Variants in RBFOX1 observed in about 807,000 individuals in gnomAD.
RBFOX1 encodes the protein RNA binding protein fox-1 homolog 1.
Under a neutral mutation model 57.7 loss-of-function variants are expected in RBFOX1, and 8 were observed. That is an observed-to-expected ratio of 0.14 (90% CI 0.08 to 0.25). RBFOX1 has a LOEUF of 0.25. Ranked by LOEUF, RBFOX1 falls within the 10% of genes least tolerant of loss-of-function variation. RBFOX1 has a pLI of 1.00. For missense variants in RBFOX1, 611 were observed against 548.5 expected, an observed-to-expected ratio of 1.11 and a Z score of -1.14; for synonymous variants, 326 against 222.4, an observed-to-expected ratio of 1.47 and a Z score of -4.15.
chr16:6,073,779 T>C (rs1163158837), intron 1 of RBFOX1, among the ~76,000 whole-genome samples: 1 of 149,652 alleles, frequency 6.7e-6, no homozygotes, highest in Non-Finnish European at 1.5e-5. Context: ...AGCAGAACCA[T>C]AAAAGGTATA....
chr16:7,492,178 C>A (rs1357161916), intron 4 of RBFOX1, among the ~76,000 whole-genome samples: 3 of 152,210 alleles, frequency 2.0e-5, no homozygotes, highest in Non-Finnish European at 4.4e-5. Context: ...GAATTCCCAA[C>A]ATAACCTAAG....
Position 6,722,578 on chromosome 16 carries a change from C to T in RBFOX1, c.-16+67928C>T, listed in dbSNP as rs375465301. 1.1e-4 allele frequency among the ~76,000 whole-genome samples: 17 copies of T among 152,262 alleles called. No homozygotes were observed. In the South Asian group the frequency reaches 3.5e-3, roughly 32 times the overall value. ...ATGTTTGTGTGATATTAATGAGAAC[C>T]TACAGACTTCTTTAGAATAATCAAG... On this transcript the variant is annotated intron_variant, in intron 3 of 15. Transcript: ENST00000550418.
chr16:6,085,470 C>T (rs963647370), intron 1 of RBFOX1, among the ~76,000 whole-genome samples: 4 of 152,164 alleles, frequency 2.6e-5, no homozygotes, highest in African/African-American at 9.7e-5. Flanking sequence ...GGGGTTTCAC[C>T]ATGTTGATCT....
chr16:5,876,167 TGG>T (rs1385765217), intron 4 of RBFOX1, among the ~76,000 whole-genome samples: 88 of 152,154 alleles, frequency 5.8e-4, no homozygotes, highest in Non-Finnish European at 1.2e-4. Flanking sequence ...TACCTTGCAT[TGG>T]GGGTTAATGA....
chr16:6,110,192 C>CTT lies in RBFOX1; in HGVS notation c.-127+90201_-127+90202dup, dbSNP rs1226858713. On this transcript the variant is annotated intron_variant, in intron 1 of 15. Coordinates refer to ENST00000550418, the MANE Select transcript of RBFOX1 (RefSeq NM_018723.4). ...AATTTTTGGTTTTCTGTATTTTCTT[C>CTT]TTCTTTTTTTTTTTTTTTTAGTTCA... is the stretch of plus-strand genomic sequence containing the variant. Among the ~76,000 whole-genome samples the CTT allele has an allele frequency of 1.2e-3, 92 of 74,640 alleles. 1 individual carries two copies. Among genetic ancestry groups the CTT allele is most frequent in the African/African-American group, 4.7e-3 (87 of 18,632 alleles). The allele number at this position is 74,640 out of a possible 152,430, so 49.0% of individuals were successfully genotyped here.
intron 3 of RBFOX1, among the ~76,000 whole-genome samples, chr16:6,739,668 C>T (rs28609651): frequency 4.0e-5 from 6 of 151,864 alleles, no homozygotes; most frequent in Admixed American, 3.3e-4. Flanking sequence ...CATGAGGTCA[C>T]GAGTTCGAGA....
chr16:6,174,437 A>T (rs1479319085), intron 1 of RBFOX1, among the ~76,000 whole-genome samples: 1 of 152,152 alleles, frequency 6.6e-6, no homozygotes, highest in African/African-American at 2.4e-5. Flanking sequence ...TTTACTAAAA[A>T]TACAAAAGTT....
At chr16:5,703,310 G>A (rs2051118699) in intron 3 of RBFOX1, among the ~76,000 whole-genome samples, 1 of 152,168 alleles carries the variant, frequency 6.6e-6, no homozygotes, top group African/African-American at 2.4e-5. Flanking sequence ...AAGGCTTTTT[G>A]AAAGATGTAT....
chr16:5,627,703 C>T (rs1167624407), intron 3 of RBFOX1, among the ~76,000 whole-genome samples: 2 of 152,018 alleles, frequency 1.3e-5, no homozygotes, highest in Non-Finnish European at 2.9e-5. Flanking sequence ...ATAAAAGAAA[C>T]AGTAAAAATA....
At chr16:7,705,035 C>CTCTG (rs1491174909) in intron 14 of RBFOX1, among the ~76,000 whole-genome samples, 3 of 115,394 alleles carry the variant, frequency 2.6e-5, no homozygotes, top group Non-Finnish European at 3.5e-5. Flanking sequence ...CAGAGCAAGA[C>CTCTG]TCTGTCTCAA....
At chr16:7,179,219 G>C (rs1325409397) in intron 4 of RBFOX1, among the ~76,000 whole-genome samples, 1 of 134,518 alleles carries the variant, frequency 7.4e-6, no homozygotes, top group Non-Finnish European at 1.7e-5. Context: ...ATGCTTAACC[G>C]GGATTTTTTT....
intron 3 of RBFOX1, among the ~76,000 whole-genome samples, chr16:6,893,925 G>A (rs994602750): frequency 3.3e-5 from 5 of 152,144 alleles, no homozygotes; most frequent in African/African-American, 7.2e-5. Context: ...AGCTGACCTG[G>A]AGAATGAACA....
chr16:7,345,776 G>T (rs1382015301), intron 4 of RBFOX1, among the ~76,000 whole-genome samples: 1 of 152,150 alleles, frequency 6.6e-6, no homozygotes, highest in African/African-American at 2.4e-5. Flanking sequence ...ATTTGGGTTA[G>T]AGACGCCGTC....
At chr16:6,263,619 C>G (rs1018630739) in intron 1 of RBFOX1, among the ~76,000 whole-genome samples, 2 of 152,194 alleles carry the variant, frequency 1.3e-5, no homozygotes, top group Non-Finnish European at 2.9e-5. Context: ...GTCTCTCTCT[C>G]TCCTTCCTTG....
chr16:6,173,902 T>A (rs1236506959), intron 1 of RBFOX1, among the ~76,000 whole-genome samples: 1 of 152,024 alleles, frequency 6.6e-6, no homozygotes, highest in Non-Finnish European at 1.5e-5. Context: ...TTTGTTTGTT[T>A]TTTTTACTAA....
chr16:5,858,045 G>A (rs949991162), intron 3 of RBFOX1, among the ~76,000 whole-genome samples: 1 of 152,196 alleles, frequency 6.6e-6, no homozygotes, highest in Non-Finnish European at 1.5e-5. Context: ...GCAGAGGTAT[G>A]AGGTCAGTGG....
intron 1 of RBFOX1, among the ~76,000 whole-genome samples, chr16:5,352,565 G>A (rs895683625): frequency 2.0e-5 from 3 of 152,060 alleles, no homozygotes; most frequent in Admixed American, 1.3e-4. Context: ...CACCCTGAAC[G>A]TTTGATCACG....
chr16:6,578,588 G>GGTGTGTGTGTGTGTGT (rs1344034811), intron 2 of RBFOX1, among the ~76,000 whole-genome samples: 3 of 11,170 alleles, frequency 2.7e-4, no homozygotes, highest in Admixed American at 1.2e-3. Flanking sequence ...TATGGGTATT[G>GGTGTGTGTGTGTGTGT]GTGTGTGTGC....
chr16:7,586,599 G>C (rs1332554552), intron 6 of RBFOX1, among the ~76,000 whole-genome samples: 1 of 152,166 alleles, frequency 6.6e-6, no homozygotes, highest in Non-Finnish European at 1.5e-5. Flanking sequence ...TTTATAATCT[G>C]AGTCTCTGTT....
Sources: gnomAD v4.1 joint callset for allele counts (sites outside exome capture counted in the v4.1 genomes callset) on GRCh38, gnomAD v4.1.1 for gene constraint, MANE v1.5 for transcripts, NCBI Gene and HGNC (gene_info 2026-07-23, HGNC 2026-07-21) for gene names.